The following ACTR3B variants were observed in gnomAD, a reference collection of about 807,000 sequenced individuals.
ACTR3B encodes actin related protein 3B.
Under a neutral mutation model 59.0 loss-of-function variants are expected in ACTR3B, and 8 were observed. The ratio of observed to expected loss-of-function variants is 0.14; its 90% CI spans 0.08 to 0.24. The LOEUF (loss-of-function observed/expected upper bound fraction) is 0.24. Among genes scored for constraint, ACTR3B ranks in the 10% least tolerant of loss-of-function variants. The pLI is 1.00. For missense variants in ACTR3B, 245 were observed against 552.3 expected (o/e 0.44, Z 5.58); for synonymous variants, 148 against 197.9 (o/e 0.75, Z 2.12).
intron 2 of ACTR3B, among the ~76,000 whole-genome samples, chr7:152,800,090 A>G (rs2098230095): frequency 6.6e-6 from 1 of 152,206 alleles, no homozygotes; most frequent in African/African-American, 2.4e-5. Flanking sequence ...CTAAAAGTAC[A>G]TTTTAAGGCT....
At chr7:152,763,186 C>T (rs1169543043) in intron 1 of ACTR3B, among the ~76,000 whole-genome samples, 6 of 151,380 alleles carry the variant, frequency 4.0e-5, no homozygotes, top group Non-Finnish European at 7.4e-5. Context: ...TGTGGTGGTG[C>T]GTGCCTGTAG....
At chr7:152,787,192 A>G (rs1171920649) in intron 2 of ACTR3B, among the ~76,000 whole-genome samples, 2 of 152,148 alleles carry the variant, frequency 1.3e-5, no homozygotes, top group African/African-American at 4.8e-5. Flanking sequence ...GATAATTGGT[A>G]TTGTGTGACT....
chr7:152,770,786 C>A (rs202178807), intron 1 of ACTR3B, among the ~76,000 whole-genome samples: 5,770 of 97,678 alleles, frequency 0.059, 139 homozygotes, highest in Middle Eastern at 0.11. Flanking sequence ...AGCATGGCAA[C>A]GAGTTGTTGT....
chr7:152,835,235 C>T (rs1234890734), intron 9 of ACTR3B, among the ~76,000 whole-genome samples: 1 of 152,216 alleles, frequency 6.6e-6, no homozygotes, highest in Non-Finnish European at 1.5e-5. Context: ...GCCCCTGCGT[C>T]CTCAGGTGCA....
chr7:152,779,263 C>T (rs534553908), intron 1 of ACTR3B, among the ~76,000 whole-genome samples: 2,599 of 151,218 alleles, frequency 0.017, 78 homozygotes, highest in African/African-American at 0.059. Flanking sequence ...GAATCGCGCA[C>T]AGCCCCTGGG....
chr7:152,802,932 T>C (rs1237478008), intron 4 of ACTR3B, among the ~76,000 whole-genome samples: 2 of 152,262 alleles, frequency 1.3e-5, no homozygotes, highest in Non-Finnish European at 2.9e-5. Context: ...CTTTGATCTT[T>C]TTTCCCTGGC....
intron 2 of ACTR3B, among the ~76,000 whole-genome samples, chr7:152,797,426 G>GT (rs1243549733): frequency 6.6e-6 from 1 of 152,210 alleles, no homozygotes; most frequent in South Asian, 2.1e-4. Context: ...AACATTGTGT[G>GT]TTTTTATCGT....
At chr7:152,837,830 G>C (rs1279777894) in intron 9 of ACTR3B, among the ~76,000 whole-genome samples, 1 of 151,968 alleles carries the variant, frequency 6.6e-6, no homozygotes, top group African/African-American at 2.4e-5. Context: ...TATTTCTTAT[G>C]TTTTCAAGCA....
chr7:152,801,406 C>G (rs1220953788), intron 3 of ACTR3B, among the ~76,000 whole-genome samples: 2 of 152,144 alleles, frequency 1.3e-5, no homozygotes, highest in Non-Finnish European at 2.9e-5. Flanking sequence ...TAAGGTGATT[C>G]TTTGTTTGTG....
chr7:152,780,844 ATTTT>A (rs142260998), intron 1 of ACTR3B, among the ~76,000 whole-genome samples: 7 of 132,862 alleles, frequency 5.3e-5, no homozygotes, highest in Non-Finnish European at 8.0e-5. Context: ...AACTTTTCAG[ATTTT>A]TTTTTTTTTT....
intron 9 of ACTR3B, among the ~76,000 whole-genome samples, chr7:152,844,179 T>A (rs1289638140): frequency 1.3e-5 from 2 of 152,130 alleles, no homozygotes; most frequent in Non-Finnish European, 2.9e-5. Context: ...TGCCTCAGCC[T>A]CCTGAGTAGC....
chr7:152,854,800 T>C lies in ACTR3B; in HGVS notation c.*247T>C. 2.3e-6 allele frequency: 1 copy of C among 440,838 alleles called. No individual in the cohort carries two copies. Among genetic ancestry groups the C allele is most frequent in the Non-Finnish European group, 4.1e-6 (1 of 245,034 alleles). The allele number at this position is 440,838 out of a possible 1,614,324, so 27.3% of individuals were successfully genotyped here. ...CCCTCGCTCTCCCTCCTCCTCCTCC[T>C]CCGAGCTGCTAGCTGACAAATACAA... On this transcript the variant is annotated 3_prime_UTR_variant, in exon 12 of 12. Transcript: ENST00000256001. The surrounding 1 kb of genome is among the most constrained non-coding windows in gnomAD (Gnocchi z 4.9).
At chr7:152,800,431 A>G (rs2098231665) in intron 2 of ACTR3B, 100 bp from the exon 3 acceptor site, 2 of 1,455,928 alleles carry the variant, frequency 1.4e-6, no homozygotes, top group South Asian at 1.4e-5. Context: ...AGCCCTAACA[A>G]TGAAAATTTA....
intron 2 of ACTR3B, among the ~76,000 whole-genome samples, chr7:152,786,796 T>C (rs2098176201): frequency 6.6e-6 from 1 of 152,228 alleles, no homozygotes; most frequent in East Asian, 1.9e-4. Flanking sequence ...CAAAGATACA[T>C]TGTTTTGTGA....
At chr7:152,801,036 G>T (rs2098234372) in intron 3 of ACTR3B, among the ~76,000 whole-genome samples, 1 of 152,256 alleles carries the variant, frequency 6.6e-6, no homozygotes, top group South Asian at 2.1e-4. Flanking sequence ...AGATCCAATT[G>T]TATGATAATT....
At chr7:152,773,905 TGCTCCTCA>T in intron 1 of ACTR3B, among the ~76,000 whole-genome samples, 1 of 152,238 alleles carries the variant, frequency 6.6e-6, no homozygotes, top group East Asian at 1.9e-4. Context: ...TGTCCACACT[TGCTCCTCA>T]GCCCTCCTAT....
intron 9 of ACTR3B, among the ~76,000 whole-genome samples, chr7:152,850,517 G>T (rs1387775450): frequency 2.6e-5 from 4 of 152,262 alleles, no homozygotes; most frequent in African/African-American, 9.6e-5. Context: ...TCCCCAAATG[G>T]AAGGCCGGAT....
intron 9 of ACTR3B, among the ~76,000 whole-genome samples, chr7:152,832,528 A>G (rs988820820): frequency 1.6e-4 from 25 of 152,192 alleles, no homozygotes; most frequent in Non-Finnish European, 3.2e-4. Flanking sequence ...AAACAGAACC[A>G]ATAGCGGGTA....
At chr7:152,846,735 G>A (rs1450904867) in intron 9 of ACTR3B, among the ~76,000 whole-genome samples, 3 of 144,022 alleles carry the variant, frequency 2.1e-5, no homozygotes, top group Non-Finnish European at 3.0e-5. Context: ...GAGTTCTAGC[G>A]CCCGGGGCTG....
Sources: gnomAD v4.1 joint callset for allele counts (sites outside exome capture counted in the v4.1 genomes callset) on GRCh38, gnomAD v4.1.1 for gene constraint, Gnocchi (gnomAD v3.1) non-coding constraint, MANE v1.5 for transcripts, NCBI Gene and HGNC (gene_info 2026-07-23, HGNC 2026-07-21) for gene names.